The following PIEZO1 variants were observed in gnomAD, a reference collection of about 807,000 sequenced individuals.
PIEZO1 encodes the protein piezo-type mechanosensitive ion channel component 1.
A neutral mutation model predicts 297.2 loss-of-function variants in PIEZO1; 296 were observed. The ratio of observed to expected loss-of-function variants is 1.00; its 90% CI spans 0.91 to 1.10. PIEZO1 has a LOEUF of 1.10. Among genes scored for constraint, PIEZO1 ranks in the 50% least tolerant of loss-of-function variants. The probability of loss-of-function intolerance (pLI) is 0.00; values close to 1 mark genes in which losing one functional copy is unlikely to be tolerated. For synonymous variants in PIEZO1, 2,427 were observed against 1,507.5 expected, an observed-to-expected ratio of 1.61 and a Z score of -14.13; for missense variants, 5,018 against 3,455.5, an observed-to-expected ratio of 1.45 and a Z score of -11.34.
At chr16:88,779,539 C>G (rs1274174922) in intron 1 of PIEZO1, among the ~76,000 whole-genome samples, 1 of 152,262 alleles carries the variant, frequency 6.6e-6, no homozygotes, top group Non-Finnish European at 1.5e-5. Context: ...TCCACTGGCC[C>G]TGAACCAGAA....
intron 34 of PIEZO1, 23 bp from the exon 35 acceptor site, chr16:88,722,712 C>A: frequency 6.5e-7 from 1 of 1,533,630 alleles, no homozygotes; most frequent in Non-Finnish European, 8.7e-7. Flanking sequence ...GCAGGGGGCT[C>A]AGGGCTGCGT....
Position 88,749,117 on chromosome 16 carries a change from G to T in PIEZO1, c.160+267C>A, listed in dbSNP as rs531221335. 3.2e-4 allele frequency among the ~76,000 whole-genome samples: 48 copies of T among 151,476 alleles called. No homozygotes were observed. The East Asian group carries it at 7.0e-3, about 22-fold the overall frequency. On this transcript the variant is annotated intron_variant, in intron 2 of 50. Coordinates refer to ENST00000301015, the MANE Select transcript of PIEZO1 (RefSeq NM_001142864.4). Reference sequence around the variant, plus strand: ...AAGCCAGGCGTGGTGGCGGGCGCCTGTAGTCCCAGCTACCCGGGAGGCTGA... The same window carrying T: ...AAGCCAGGCGTGGTGGCGGGCGCCTTTAGTCCCAGCTACCCGGGAGGCTGA...
At chr16:88,778,237 G>C (rs1907760325) in intron 1 of PIEZO1, among the ~76,000 whole-genome samples, 1 of 152,196 alleles carries the variant, frequency 6.6e-6, no homozygotes, top group South Asian at 2.1e-4. Flanking sequence ...GGCACCGAGA[G>C]CCGGCCTTGT....
At chr16:88,731,959 A>AGGGCGGGGCGTGGGGATGCACTGAGTCT (rs1555555063) in intron 21 of PIEZO1, 49 bp from the exon 22 acceptor site, 1 of 63,334 alleles carries the variant, frequency 1.6e-5, no homozygotes, top group African/African-American at 1.8e-4. Context: ...GTCTGGGGGG[A>AGGGCGGGGCGTGGGGATGCACTGAGTCT]GGGACTTTCT....
intron 1 of PIEZO1, among the ~76,000 whole-genome samples, chr16:88,765,139 G>T (rs1254733196): frequency 6.6e-6 from 1 of 152,262 alleles, no homozygotes; most frequent in Non-Finnish European, 1.5e-5. Context: ...AGTCTGGCCT[G>T]TCTAGACTGC....
intron 1 of PIEZO1, among the ~76,000 whole-genome samples, chr16:88,779,890 A>T (rs180992191): frequency 1.4e-3 from 210 of 152,308 alleles, no homozygotes; most frequent in African/African-American, 4.7e-3. Context: ...TGTGCGAGGA[A>T]TTCTGAGCCT....
Position 88,732,696 on chromosome 16 carries a change from T to A in PIEZO1, c.2701A>T (p.Ile901Phe). ...PNSTNLLPTE[I>F]SQSLLYRGPV... ...CCCCGGTACAGCAGGGACTGGCTGA[T>A]CTCCGTGGGCAGCAAGTTGGTGCTG... Residue 901 changes from isoleucine to phenylalanine, a missense_variant, in exon 20 of 51, where the codon ATC becomes TTC. Ile to Phe is a conservative substitution (Grantham distance 21). Coordinates refer to ENST00000301015, the MANE Select transcript of PIEZO1 (RefSeq NM_001142864.4). 6.5e-7 allele frequency: 1 copy of A among 1,549,146 alleles called. No homozygotes were observed.
At chr16:88,776,188 A>T (rs1446135310) in intron 1 of PIEZO1, among the ~76,000 whole-genome samples, 1 of 152,230 alleles carries the variant, frequency 6.6e-6, no homozygotes, top group Non-Finnish European at 1.5e-5. Context: ...TCATCCCAGC[A>T]TTCTGGGAGG....
At chr16:88,716,981 C>T (rs1212482046) in intron 45 of PIEZO1, 42 bp downstream of exon 45, 25 of 1,548,294 alleles carry the variant, frequency 1.6e-5, no homozygotes, top group Non-Finnish European at 2.0e-5. Flanking sequence ...GGCCAGAACC[C>T]CCAGGGGATG....
rs1720409286 is a variant in PIEZO1 at position 88,726,496 on chromosome 16, G to A, written c.3797-41C>T. 1.9e-6 allele frequency: 3 copies of A among 1,547,190 alleles called. No homozygotes were observed. In the South Asian group the frequency reaches 3.6e-5, roughly 18 times the overall value. On this transcript the variant is annotated intron_variant, in intron 26 of 50. Transcript: ENST00000301015. ...CGGCAAGGGTCAGGCCCAGGGCCCA[G>A]GAGCAGGGGGCTTCCCCACGCCCTC...
intron 1 of PIEZO1, among the ~76,000 whole-genome samples, chr16:88,761,260 C>A (rs1270862221): frequency 6.6e-6 from 1 of 152,230 alleles, no homozygotes; most frequent in Non-Finnish European, 1.5e-5. Flanking sequence ...AGGGGTGACT[C>A]CACCACGCCC....
intron 1 of PIEZO1, 39 bp downstream of exon 1, chr16:88,784,862 C>T: frequency 3.7e-6 from 5 of 1,359,546 alleles, no homozygotes; most frequent in Non-Finnish European, 9.8e-7. Flanking sequence ...CGAGACGCAG[C>T]CCCCTCCCGT....
At chr16:88,772,682 G>A (rs1333774448) in intron 1 of PIEZO1, among the ~76,000 whole-genome samples, 1 of 151,996 alleles carries the variant, frequency 6.6e-6, no homozygotes, top group Non-Finnish European at 1.5e-5. Context: ...GGGAGGCTGA[G>A]GCAGGAGAAT....
chr16:88,757,320 G>GC (rs1555560990), intron 1 of PIEZO1, among the ~76,000 whole-genome samples: 1 of 44,668 alleles, frequency 2.2e-5, no homozygotes, highest in Non-Finnish European at 4.9e-5. Context: ...CGTTGCTGGC[G>GC]GGGGGGTGGG....
At chr16:88,784,560 G>T (rs968750) in intron 1 of PIEZO1, among the ~76,000 whole-genome samples, 1 of 151,550 alleles carries the variant, frequency 6.6e-6, no homozygotes, top group African/African-American at 2.4e-5. Context: ...CCTTCCCACC[G>T]GGGCAAACAC....
At chr16:88,767,586 C>A (rs1028419722) in intron 1 of PIEZO1, among the ~76,000 whole-genome samples, 7 of 152,198 alleles carry the variant, frequency 4.6e-5, no homozygotes, top group African/African-American at 1.7e-4. Flanking sequence ...TACCATCATA[C>A]ACTTGGCCAC....
intron 2 of PIEZO1, chr16:88,743,539 GCC>G: frequency 2.2e-6 from 1 of 456,612 alleles, no homozygotes; most frequent in South Asian, 1.5e-5. Flanking sequence ...CACCACATCT[GCC>G]CTCTCTCGGC....
rs1184254020 is a variant in PIEZO1, at chr16:88,720,681, C to A, written c.5736G>T (p.Arg1912Ser). 3 of 1,544,720 alleles carry A rather than the reference C, an allele frequency of 1.9e-6. No homozygotes were observed. The highest frequency in any genetic ancestry group is 1.7e-4 in the Middle Eastern group (1 of 5,972). ...TTACTCTTCCTCCAGAGCGGCTTGG[C>A]CTCTTCTCTCTCCCCGTGGGGGCCT... ...EKEAPTGREK[R>S]PSRSGGRVRA... The change falls in exon 40 of 51, where the codon AGG becomes AGT. Residue 1912 changes from arginine to serine, a missense_variant. Physicochemically the swap from Arg to Ser is moderately radical, Grantham distance 110. Transcript: ENST00000301015.
chr16:88,740,847 G>C (rs1274002651), intron 5 of PIEZO1: 1 of 152,304 alleles, frequency 6.6e-6, no homozygotes, highest in Non-Finnish European at 1.5e-5. Context: ...CCTGGGGATG[G>C]CAAGTGTGGG....
Sources: allele counts gnomAD v4.1 joint callset (sites outside exome capture counted in the v4.1 genomes callset), GRCh38; gene constraint gnomAD v4.1.1; transcripts MANE v1.5; gene names NCBI Gene and HGNC (gene_info 2026-07-23, HGNC 2026-07-21).